The following CCDC7 variants were observed in gnomAD, a reference collection of about 807,000 sequenced individuals.
CCDC7 encodes the protein coiled-coil domain-containing protein 7.
A neutral mutation model predicts 196.9 loss-of-function variants in CCDC7; 183 were observed. The ratio of observed to expected loss-of-function variants is 0.93; its 90% CI spans 0.82 to 1.05. The LOEUF is 1.05. Among genes scored for constraint, CCDC7 ranks in the 50% least tolerant of loss-of-function variants. CCDC7 has a pLI of 0.00. For missense variants in CCDC7, 1,540 were observed against 1,482.2 expected (o/e 1.04, Z -0.64); for synonymous variants, 525 against 484.6 (o/e 1.08, Z -1.10).
chr10:32,726,003 C>G (rs1229524019), intron 25 of CCDC7, among the ~76,000 whole-genome samples: 1 of 152,124 alleles, frequency 6.6e-6, no homozygotes, highest in Non-Finnish European at 1.5e-5. Context: ...CATTCCTTCT[C>G]TTTGTATTCC....
chr10:32,580,855 GAAAA>G (rs921734641), intron 16 of CCDC7, among the ~76,000 whole-genome samples: 1 of 129,868 alleles, frequency 7.7e-6, no homozygotes, highest in African/African-American at 2.8e-5. Flanking sequence ...GTATTGGAAA[GAAAA>G]AAAAAATAAA....
At chr10:32,591,958 C>CT (rs1003825939) in intron 18 of CCDC7, among the ~76,000 whole-genome samples, 6 of 152,060 alleles carry the variant, frequency 3.9e-5, no homozygotes, top group African/African-American at 1.4e-4. Flanking sequence ...TATGAAGGTC[C>CT]TTTTTTTGTG....
intron 28 of CCDC7, among the ~76,000 whole-genome samples, chr10:32,742,460 C>A (rs1051012606): frequency 2.0e-5 from 3 of 152,182 alleles, no homozygotes; most frequent in African/African-American, 7.2e-5. Flanking sequence ...AGAATAGTTT[C>A]ACTGCCCTAA....
chr10:32,452,191 T>A (rs1228168889), intron 1 of CCDC7, among the ~76,000 whole-genome samples: 1 of 152,210 alleles, frequency 6.6e-6, no homozygotes, highest in Non-Finnish European at 1.5e-5. Context: ...CATTAGAAAC[T>A]CAGTGCCCTG....
At chr10:32,669,130 TG>T (rs1249359835) in intron 21 of CCDC7, among the ~76,000 whole-genome samples, 1 of 152,076 alleles carries the variant, frequency 6.6e-6, no homozygotes, top group East Asian at 1.9e-4. Context: ...TTTTACTGGA[TG>T]TTTTTTCTGC....
At chr10:32,838,815 T>C (rs890606810) in intron 33 of CCDC7, among the ~76,000 whole-genome samples, 7 of 152,030 alleles carry the variant, frequency 4.6e-5, no homozygotes, top group African/African-American at 1.7e-4. Context: ...TTAGAAGGAA[T>C]TGGGGTCCTA....
At chr10:32,828,485 G>GGAAGAGGAAGAA (rs2091618916) in intron 32 of CCDC7, among the ~76,000 whole-genome samples, 19 of 49,748 alleles carry the variant, frequency 3.8e-4, no homozygotes, top group South Asian at 1.0e-3. Flanking sequence ...AAGAGGAAGA[G>GGAAGAGGAAGAA]GAAGAAGAAG....
intron 3 of CCDC7, among the ~76,000 whole-genome samples, chr10:32,462,372 C>G (rs983462745): frequency 6.6e-6 from 1 of 152,172 alleles, no homozygotes; most frequent in African/African-American, 2.4e-5. Flanking sequence ...TTATAGTGAG[C>G]TATGAGTGCA....
chr10:32,502,596 C>A (rs1373956407), intron 9 of CCDC7, among the ~76,000 whole-genome samples: 1 of 152,082 alleles, frequency 6.6e-6, no homozygotes, highest in African/African-American at 2.4e-5. Flanking sequence ...TAATGTGATG[C>A]CTCCACCTTT....
chr10:32,603,350 A>G (rs1447118134), intron 18 of CCDC7, among the ~76,000 whole-genome samples: 14 of 151,992 alleles, frequency 9.2e-5, no homozygotes, highest in Admixed American at 8.5e-4. Context: ...CCATTCATCC[A>G]TTGATGGACA....
At chr10:32,466,566 C>T (rs1228613076) in intron 5 of CCDC7, among the ~76,000 whole-genome samples, 3 of 152,108 alleles carry the variant, frequency 2.0e-5, no homozygotes, top group Non-Finnish European at 4.4e-5. Flanking sequence ...GGATAATGGC[C>T]TCCAGCTCCA....
At chr10:32,626,920 T>C (rs1307788625) in intron 18 of CCDC7, among the ~76,000 whole-genome samples, 2 of 152,080 alleles carry the variant, frequency 1.3e-5, no homozygotes, top group Non-Finnish European at 2.9e-5. Flanking sequence ...TGTCTACTTT[T>C]TTTGGCAGTA....
At chr10:32,559,223 A>G (rs1015368579) in intron 13 of CCDC7, among the ~76,000 whole-genome samples, 6 of 152,242 alleles carry the variant, frequency 3.9e-5, no homozygotes, top group African/African-American at 1.2e-4. Flanking sequence ...CTGCCTCTGT[A>G]GGCTCCACCT....
intron 15 of CCDC7, among the ~76,000 whole-genome samples, chr10:32,569,773 A>G (rs1449824354): frequency 6.6e-6 from 1 of 152,160 alleles, no homozygotes; most frequent in East Asian, 1.9e-4. Context: ...GCAGCATTTA[A>G]TATGTTTAAT....
intron 20 of CCDC7, among the ~76,000 whole-genome samples, chr10:32,644,375 T>A (rs920347382): frequency 6.6e-6 from 1 of 152,200 alleles, no homozygotes; most frequent in African/African-American, 2.4e-5. Flanking sequence ...CCACAGCCTC[T>A]GATAAGCACT....
intron 26 of CCDC7, among the ~76,000 whole-genome samples, chr10:32,727,658 A>C (rs2083323576): frequency 6.6e-6 from 1 of 152,096 alleles, no homozygotes; most frequent in South Asian, 2.1e-4. Flanking sequence ...GTGCAAAAGC[A>C]ATTGCAGTTT....
chr10:32,501,285 T>A (rs1250106963), intron 9 of CCDC7, among the ~76,000 whole-genome samples: 4 of 152,094 alleles, frequency 2.6e-5, no homozygotes, highest in Non-Finnish European at 5.9e-5. Flanking sequence ...TCCTGTAACC[T>A]TTTTTCAAGG....
At chr10:32,875,265 G>A (rs1176804298) in intron 41 of CCDC7, among the ~76,000 whole-genome samples, 2 of 151,594 alleles carry the variant, frequency 1.3e-5, no homozygotes, top group Non-Finnish European at 2.9e-5. Context: ...TTATACTTTG[G>A]GATTTTACAT....
intron 9 of CCDC7, among the ~76,000 whole-genome samples, chr10:32,517,317 C>T (rs750439353): frequency 6.6e-6 from 1 of 151,736 alleles, no homozygotes; most frequent in South Asian, 2.1e-4. Context: ...AAGTTTGGAA[C>T]AATATATACA....
Sources: gnomAD v4.1 joint callset for allele counts (sites outside exome capture counted in the v4.1 genomes callset) on GRCh38, gnomAD v4.1.1 for gene constraint, MANE v1.5 for transcripts, NCBI Gene and HGNC (gene_info 2026-07-23, HGNC 2026-07-21) for gene names.